SNX29: variants seen among roughly 807,000 people sequenced by gnomAD.
SNX29 encodes sorting nexin-29.
SNX29 carries 78 observed loss-of-function variants against 102.1 expected under a neutral mutation model. The ratio of observed to expected loss-of-function variants is 0.76; its 90% CI spans 0.64 to 0.92. SNX29 has a LOEUF of 0.92. Ranked by LOEUF, SNX29 falls within the 40% of genes least tolerant of loss-of-function variation. SNX29 has a pLI of 0.00. For synonymous variants in SNX29, 580 were observed against 414.5 expected, an observed-to-expected ratio of 1.40 and a Z score of -4.85; for missense variants, 1,280 against 1,061.7, an observed-to-expected ratio of 1.21 and a Z score of -2.86.
chr16:12,385,765 T>C lies in SNX29; in HGVS notation c.1900-12681T>C, dbSNP rs114226883. Among the ~76,000 whole-genome samples, 329 of 152,358 alleles carry C rather than the reference T, an allele frequency of 2.2e-3. 1 individual carries two copies. The highest frequency in any genetic ancestry group is 7.8e-3 in the African/African-American group (325 of 41,590). ...ACAGAAAGACCTGACGAGATGCCAC[T>C]TGGCTTCCTTTTTCAAGTAACTCTG... is the stretch of plus-strand genomic sequence containing the variant. On this transcript the variant is annotated intron_variant, in intron 16 of 20. Coordinates refer to ENST00000566228, the MANE Select transcript of SNX29 (RefSeq NM_032167.5).
At chr16:12,567,174 G>A (rs189147249) in intron 20 of SNX29, among the ~76,000 whole-genome samples, 1 of 152,208 alleles carries the variant, frequency 6.6e-6, no homozygotes. Context: ...GGATGTTCCT[G>A]ATCTGACATT....
chr16:12,420,288 A>G (rs987886124), intron 18 of SNX29, among the ~76,000 whole-genome samples: 1 of 152,264 alleles, frequency 6.6e-6, no homozygotes, highest in African/African-American at 2.4e-5. Flanking sequence ...ATGAGTTGAT[A>G]GCCCATTATT....
At chr16:12,331,155 C>T (rs2081281486) in intron 15 of SNX29, among the ~76,000 whole-genome samples, 1 of 151,878 alleles carries the variant, frequency 6.6e-6, no homozygotes, top group Non-Finnish European at 1.5e-5. Flanking sequence ...ACTGGCCCTT[C>T]TCCAGAGAGA....
chr16:12,432,199 T>A (rs2085343415), intron 18 of SNX29, among the ~76,000 whole-genome samples: 1 of 152,194 alleles, frequency 6.6e-6, no homozygotes, highest in South Asian at 2.1e-4. Flanking sequence ...TCCTTGGGCT[T>A]TTTGGCAGCC....
At chr16:12,540,765 T>G (rs1457567835) in intron 20 of SNX29, among the ~76,000 whole-genome samples, 1 of 152,082 alleles carries the variant, frequency 6.6e-6, no homozygotes, top group Non-Finnish European at 1.5e-5. Flanking sequence ...TACCGCCACC[T>G]CCCCTAGAGT....
In SNX29 at chr16:12,559,101, GAGT is replaced by G. The variant is rs549299595; in HGVS notation, c.2319-9398_2319-9396del. On this transcript the variant is annotated intron_variant, in intron 20 of 20. Transcript: ENST00000566228. ...GTCCCCGTGCTCCTTAGTCTAGGAT[GAGT>G]AGTAGTCAAATCAGGCTTGGATCCC... is the stretch of plus-strand genomic sequence containing the variant. 2.3e-4 allele frequency among the ~76,000 whole-genome samples: 35 copies of G among 152,260 alleles called. 1 individual carries two copies. The East Asian group carries it at 6.6e-3, about 29-fold the overall frequency.
intron 15 of SNX29, among the ~76,000 whole-genome samples, chr16:12,325,776 C>T (rs1451836240): frequency 6.6e-6 from 1 of 151,890 alleles, no homozygotes; most frequent in Non-Finnish European, 1.5e-5. Flanking sequence ...CCTGTGATCC[C>T]AATGTTTTGA....
At chr16:12,215,324 AAAAAAT>A (rs947067817) in intron 14 of SNX29, among the ~76,000 whole-genome samples, 1 of 152,054 alleles carries the variant, frequency 6.6e-6, no homozygotes, top group African/African-American at 2.4e-5. Context: ...AAAAAAAAAA[AAAAAAT>A]CAGAAGGTGT....
intron 16 of SNX29, among the ~76,000 whole-genome samples, chr16:12,393,303 G>T (rs954653595): frequency 6.7e-6 from 1 of 149,496 alleles, no homozygotes; most frequent in Admixed American, 6.6e-5. Context: ...TCCTTCCCAT[G>T]CATCAAGATT....
At chr16:12,138,637 A>G (rs2054751532) in intron 13 of SNX29, among the ~76,000 whole-genome samples, 1 of 152,190 alleles carries the variant, frequency 6.6e-6, no homozygotes, top group African/African-American at 2.4e-5. Flanking sequence ...GAGACCAGAA[A>G]TAAGACCCAG....
chr16:12,365,326 T>G (rs867623984), intron 16 of SNX29, among the ~76,000 whole-genome samples: 3 of 139,776 alleles, frequency 2.1e-5, no homozygotes, highest in African/African-American at 5.4e-5. Flanking sequence ...ACATCAGGAT[T>G]TGTGTGTGTG....
chr16:12,401,694 C>G (rs2083950864), intron 17 of SNX29, among the ~76,000 whole-genome samples: 1 of 152,094 alleles, frequency 6.6e-6, no homozygotes, highest in African/African-American at 2.4e-5. Flanking sequence ...GGAGATTTGT[C>G]TCTCTCCCAT....
chr16:12,051,193 G>A (rs2050283624), intron 7 of SNX29, among the ~76,000 whole-genome samples: 1 of 152,124 alleles, frequency 6.6e-6, no homozygotes, highest in Non-Finnish European at 1.5e-5. Flanking sequence ...GCTGGGTGTT[G>A]TGGCATGCAC....
intron 13 of SNX29, 56 bp downstream of exon 13, chr16:12,129,814 A>G: frequency 6.5e-7 from 1 of 1,529,338 alleles, no homozygotes; most frequent in Non-Finnish European, 8.8e-7. Flanking sequence ...TTAAAACCTG[A>G]GCATACTGGG....
intron 10 of SNX29, among the ~76,000 whole-genome samples, chr16:12,075,433 G>T (rs2051508216): frequency 1.3e-5 from 2 of 152,298 alleles, no homozygotes; most frequent in South Asian, 4.1e-4. Flanking sequence ...GTCCACTCCA[G>T]ACCCTGTTTG....
chr16:12,400,219 A>G (rs2083886710), intron 17 of SNX29, among the ~76,000 whole-genome samples: 1 of 152,066 alleles, frequency 6.6e-6, no homozygotes, highest in Non-Finnish European at 1.5e-5. Context: ...GAAGGCCCTC[A>G]CTCACCTCTG....
intron 10 of SNX29, among the ~76,000 whole-genome samples, chr16:12,072,165 C>T (rs910569229): frequency 2.0e-5 from 3 of 152,166 alleles, no homozygotes; most frequent in Admixed American, 6.6e-5. Context: ...TTATTTCCTT[C>T]TCCTGCCTAA....
chr16:12,345,807 C>T (rs1229527430), intron 15 of SNX29, among the ~76,000 whole-genome samples: 1 of 152,148 alleles, frequency 6.6e-6, no homozygotes, highest in Non-Finnish European at 1.5e-5. Flanking sequence ...TCTGCCCTCT[C>T]CTCCCACCTC....
intron 4 of SNX29, among the ~76,000 whole-genome samples, chr16:12,028,097 C>G (rs186939349): frequency 6.6e-6 from 1 of 152,180 alleles, no homozygotes; most frequent in African/African-American, 2.4e-5. Flanking sequence ...GTGGTCTCCT[C>G]CTCCCCTGAG....
Sources: gnomAD v4.1 joint callset for allele counts (sites outside exome capture counted in the v4.1 genomes callset) on GRCh38, gnomAD v4.1.1 for gene constraint, MANE v1.5 for transcripts, NCBI Gene and HGNC (gene_info 2026-07-23, HGNC 2026-07-21) for gene names.